The following CNTN3 variants were observed in gnomAD, a reference collection of about 807,000 sequenced individuals.
CNTN3 encodes the protein contactin-3.
A neutral mutation model predicts 119.1 loss-of-function variants in CNTN3; 60 were observed. The observed-to-expected ratio is 0.50, with a 90% confidence interval of 0.41 to 0.62. The LOEUF (loss-of-function observed/expected upper bound fraction) is 0.62, where lower values mean the gene tolerates loss of function less well. Ranked by LOEUF, CNTN3 falls within the 20% of genes least tolerant of loss-of-function variation. The pLI is 0.00. For missense variants in CNTN3, 1,101 were observed against 1,242.4 expected, an observed-to-expected ratio of 0.89 and a Z score of 1.71; for synonymous variants, 450 against 438.7, an observed-to-expected ratio of 1.03 and a Z score of -0.32.
rs530038293 is a variant in CNTN3 at position 74,372,190 on chromosome 3, A to AT, written c.455-792dup. Among the ~76,000 whole-genome samples the AT allele has an allele frequency of 1.9e-3, 282 of 152,108 alleles. 1 individual carries two copies. The highest frequency in any genetic ancestry group is 6.5e-3 in the African/African-American group (269 of 41,520). On this transcript the variant is annotated intron_variant, in intron 5 of 22. Coordinates refer to ENST00000263665, the MANE Select transcript of CNTN3 (RefSeq NM_020872.3). ...TGTTAAACAAGCGATGTTAGTTTTT[A>AT]TTTCACCTGCCCTTCCCCCTCCTCC...
chr3:74,333,780 G>T (rs567819015), intron 13 of CNTN3, among the ~76,000 whole-genome samples: 1 of 152,146 alleles, frequency 6.6e-6, no homozygotes, highest in South Asian at 2.1e-4. Context: ...ACATGCCGAT[G>T]TATACAAATA....
At chr3:74,271,606 T>C (rs1273408667) in intron 20 of CNTN3, among the ~76,000 whole-genome samples, 1 of 152,224 alleles carries the variant, frequency 6.6e-6, no homozygotes, top group African/African-American at 2.4e-5. Flanking sequence ...CAAAACTCAG[T>C]ATGTTTCTCA....
chr3:74,387,734 A>G (rs1399418490), intron 5 of CNTN3, among the ~76,000 whole-genome samples: 1 of 152,248 alleles, frequency 6.6e-6, no homozygotes, highest in Non-Finnish European at 1.5e-5. Context: ...CTATGGGGCT[A>G]GAGAGAACTT....
intron 1 of CNTN3, among the ~76,000 whole-genome samples, chr3:74,524,593 T>C (rs1209550123): frequency 6.6e-6 from 1 of 151,802 alleles, no homozygotes; most frequent in Non-Finnish European, 1.5e-5. Flanking sequence ...TTTCCTAGTG[T>C]AGACAAGTAC....
intron 11 of CNTN3, among the ~76,000 whole-genome samples, chr3:74,358,143 T>G (rs1248666192): frequency 6.6e-6 from 1 of 152,158 alleles, no homozygotes; most frequent in African/African-American, 2.4e-5. Flanking sequence ...TCGTCAGTGT[T>G]TTTTGCTGTC....
intron 4 of CNTN3, among the ~76,000 whole-genome samples, chr3:74,475,961 G>A (rs902886092): frequency 3.6e-4 from 55 of 152,086 alleles, no homozygotes; most frequent in Admixed American, 3.5e-3. Flanking sequence ...TTTTTCATAT[G>A]TTTGCACTGT....
intron 13 of CNTN3, among the ~76,000 whole-genome samples, chr3:74,328,710 G>A (rs1703188525): frequency 6.6e-6 from 1 of 152,116 alleles, no homozygotes; most frequent in Admixed American, 6.6e-5. Context: ...GATGAGTCAG[G>A]CAAATAACTA....
chr3:74,362,117 C>T (rs747643419), intron 10 of CNTN3, 77 bp from the exon 11 acceptor site: 8 of 1,535,610 alleles, frequency 5.2e-6, no homozygotes, highest in East Asian at 2.3e-5. Context: ...TCCACTTTTA[C>T]AGTTTTAAAA....
At chr3:74,367,199 T>G (rs1249357152) in intron 8 of CNTN3, among the ~76,000 whole-genome samples, 2 of 151,992 alleles carry the variant, frequency 1.3e-5, no homozygotes, top group Non-Finnish European at 2.9e-5. Context: ...AAATAGAAAT[T>G]GTAAGGCAAC....
At chr3:74,406,590 T>C (rs1313012302) in intron 5 of CNTN3, among the ~76,000 whole-genome samples, 1 of 152,102 alleles carries the variant, frequency 6.6e-6, no homozygotes, top group African/African-American at 2.4e-5. Flanking sequence ...CATTCTAAAA[T>C]CTTACTTTTT....
chr3:74,311,732 T>C (rs1363493026), intron 13 of CNTN3, among the ~76,000 whole-genome samples: 4 of 152,158 alleles, frequency 2.6e-5, no homozygotes, highest in Non-Finnish European at 4.4e-5. Context: ...GTAAGGAACT[T>C]AGAAGATGTC....
chr3:74,474,836 C>G (rs935648353), intron 4 of CNTN3, among the ~76,000 whole-genome samples: 1 of 152,120 alleles, frequency 6.6e-6, no homozygotes, highest in African/African-American at 2.4e-5. Flanking sequence ...GTCCTTGAGA[C>G]AGTGAGTGAG....
At chr3:74,523,944 G>GT (rs1383803269) in intron 1 of CNTN3, among the ~76,000 whole-genome samples, 2 of 151,954 alleles carry the variant, frequency 1.3e-5, no homozygotes, top group African/African-American at 4.8e-5. Context: ...TTCAAGCAAT[G>GT]TTTCTTGCTG....
chr3:74,364,666 C>T, intron 9 of CNTN3, 70 bp from the exon 10 acceptor site: 1 of 1,317,842 alleles, frequency 7.6e-7, no homozygotes. Flanking sequence ...AACTGACTAT[C>T]ATTTCACTCA....
chr3:74,603,885 C>A (rs905302935), intron 1 of CNTN3, among the ~76,000 whole-genome samples: 1 of 152,048 alleles, frequency 6.6e-6, no homozygotes, highest in Admixed American at 6.6e-5. Context: ...AAAGAACAAG[C>A]TGGAGGCATC....
intron 3 of CNTN3, 123 bp from the exon 4 acceptor site, chr3:74,486,754 A>G (rs1702867323): frequency 1.3e-6 from 1 of 762,340 alleles, no homozygotes; most frequent in Non-Finnish European, 2.0e-6. Context: ...ATATTATTCA[A>G]GTGTTACATA....
intron 13 of CNTN3, among the ~76,000 whole-genome samples, chr3:74,315,734 G>A (rs1466409357): frequency 6.6e-6 from 1 of 152,168 alleles, no homozygotes; most frequent in Non-Finnish European, 1.5e-5. Flanking sequence ...AGATCTTGTG[G>A]TGCTGGGATA....
At chr3:74,279,016 A>G (rs917348325) in intron 20 of CNTN3, among the ~76,000 whole-genome samples, 4 of 152,206 alleles carry the variant, frequency 2.6e-5, no homozygotes, top group South Asian at 2.1e-4. Context: ...AAAATGCTCA[A>G]CACCACTAAT....
intron 2 of CNTN3, among the ~76,000 whole-genome samples, chr3:74,519,656 A>G (rs78347266): frequency 0.037 from 5,647 of 151,806 alleles, 128 homozygotes; most frequent in South Asian, 0.066. Flanking sequence ...TTCCTAAAAC[A>G]GAGATTATAT....
Sources: allele counts gnomAD v4.1 joint callset (sites outside exome capture counted in the v4.1 genomes callset), GRCh38; gene constraint gnomAD v4.1.1; transcripts MANE v1.5; gene names NCBI Gene and HGNC (gene_info 2026-07-23, HGNC 2026-07-21).